The following MED13L variants were observed in gnomAD, a reference collection of about 807,000 sequenced individuals.
MED13L encodes the protein mediator of RNA polymerase II transcription subunit 13-like.
A neutral mutation model predicts 220.9 loss-of-function variants in MED13L; 7 were observed. The observed-to-expected ratio is 0.03, with a 90% CI of 0.02 to 0.06. MED13L has a LOEUF of 0.06. Among genes scored for constraint, MED13L ranks in the 10% least tolerant of loss-of-function variants. MED13L has a pLI of 1.00. For synonymous variants in MED13L, 1,011 were observed against 1,015.2 expected, an observed-to-expected ratio of 1.00 and a Z score of 0.08; for missense variants, 1,965 against 2,760.5, an observed-to-expected ratio of 0.71 and a Z score of 6.46.
chr12:116,208,425 T>C (rs571663140), intron 2 of MED13L, among the ~76,000 whole-genome samples: 6 of 152,228 alleles, frequency 3.9e-5, no homozygotes, highest in Middle Eastern at 3.4e-3. Context: ...CTGCAATAAA[T>C]TGAAACACAG....
chr12:116,006,056 G>A, intron 12 of MED13L, 63 bp from the exon 13 acceptor site: 1 of 1,597,968 alleles, frequency 6.3e-7, no homozygotes, highest in Non-Finnish European at 8.6e-7. Context: ...GGAGTAGGGA[G>A]AGGACACGGA....
intron 14 of MED13L, among the ~76,000 whole-genome samples, chr12:115,999,891 AAG>A (rs1878636316): frequency 6.6e-6 from 1 of 152,212 alleles, no homozygotes; most frequent in Non-Finnish European, 1.5e-5. Context: ...TTCTACCTCC[AAG>A]AGAGTCACTT....
At chr12:116,276,379 A>T in intron 1 of MED13L, 2 of 1,210,206 alleles carry the variant, frequency 1.7e-6, no homozygotes, top group Non-Finnish European at 1.1e-6. Context: ...ATAGAGAAAA[A>T]CAGTTTTTAA....
At chr12:116,219,204 C>T (rs1883173643) in intron 2 of MED13L, among the ~76,000 whole-genome samples, 1 of 152,022 alleles carries the variant, frequency 6.6e-6, no homozygotes, top group African/African-American at 2.4e-5. Flanking sequence ...TTATTCTTAA[C>T]TTATATAGTG....
At position 115,972,089 on chromosome 12, in the gene MED13L, A is replaced by G. The variant is rs1191480416; in HGVS notation, c.5879T>C (p.Val1960Ala). Reference protein sequence around the residue: ...LVAMEPQGSFVVMPDAVTMGS... With the variant: ...LVAMEPQGSFAVMPDAVTMGS... ...AAGAAGAAATTTACCTGGCATCACT[A>G]CAAAGGACCCCTGGGGCTCCATGGC... The change falls in exon 26 of 31, where the codon GTA (valine) becomes GCA (alanine). Residue 1960 changes from valine to alanine, a missense_variant. Transcript: ENST00000281928. The G allele has an allele frequency of 5.6e-6, 9 of 1,613,838 alleles. No individual in the cohort carries two copies. The highest frequency in any genetic ancestry group is 1.3e-5 in the African/African-American group (1 of 74,928).
chr12:116,148,051 C>CAAAAAAAAA lies in MED13L; in HGVS notation c.311-36548_311-36540dup, dbSNP rs10678970. 9.4e-3 allele frequency among the ~76,000 whole-genome samples: 170 copies of CAAAAAAAAA among 18,106 alleles called. 8 individuals are homozygous for CAAAAAAAAA. Among genetic ancestry groups the CAAAAAAAAA allele is most frequent in the Admixed American group, 0.023 (26 of 1,110 alleles). The allele number at this position is 18,106 out of a possible 152,430, so 11.9% of individuals were successfully genotyped here. ...TGGGCTACAGAGCAAGACCCCATCT[C>CAAAAAAAAA]AAAAAAAAAAAAAAAAAAAAAAAGA... On this transcript the variant is annotated intron_variant, in intron 2 of 30. Transcript: ENST00000281928.
At chr12:116,098,351 A>G in intron 3 of MED13L, among the ~76,000 whole-genome samples, 1 of 152,238 alleles carries the variant, frequency 6.6e-6, no homozygotes, top group East Asian at 1.9e-4. Flanking sequence ...GTTATCTCTA[A>G]CAGTATTCAG....
Position 116,234,524 on chromosome 12 carries a change from C to T in MED13L, c.310+2944G>A, listed in dbSNP as rs563430028. Among the ~76,000 whole-genome samples, 18 of 151,422 alleles carry T rather than the reference C, an allele frequency of 1.2e-4. No homozygotes were observed. In the South Asian group the frequency reaches 2.3e-3, roughly 19 times the overall value. On this transcript the variant is annotated intron_variant, in intron 2 of 30. Coordinates refer to ENST00000281928, the MANE Select transcript of MED13L (RefSeq NM_015335.5). ...GGATTACAGGCGTGAGCCACCGTGACCAGCCAGGAAATGCCAAATAACATA... is the reference window on the plus strand; with the variant it reads ...GGATTACAGGCGTGAGCCACCGTGATCAGCCAGGAAATGCCAAATAACATA...
intron 4 of MED13L, among the ~76,000 whole-genome samples, chr12:116,034,842 C>A (rs569755515): frequency 6.2e-4 from 94 of 152,188 alleles, no homozygotes; most frequent in Non-Finnish European, 1.1e-3. Context: ...CCTGTCTCTA[C>A]TAAAAATACA....
At chr12:115,997,534 G>C (rs960971172) in intron 14 of MED13L, among the ~76,000 whole-genome samples, 14 of 152,286 alleles carry the variant, frequency 9.2e-5, no homozygotes, top group African/African-American at 3.1e-4. Flanking sequence ...CAATTCTTGT[G>C]CCTCAGCCTC....
At position 115,961,218 on chromosome 12, in the gene MED13L, G is replaced by A. The variant is rs1875734792; in HGVS notation, c.*48C>T. ...GAGTGTAGCAGGTTCCTTGGACTGA[G>A]GTTGCAGGGAGAAGGAACTGAGCCA... is the stretch of plus-strand genomic sequence containing the variant. On this transcript the variant is annotated 3_prime_UTR_variant, in exon 31 of 31. Coordinates refer to ENST00000281928, the MANE Select transcript of MED13L (RefSeq NM_015335.5). The A allele has an allele frequency of 6.2e-7, 1 of 1,610,346 alleles. No homozygotes were observed. The highest frequency in any genetic ancestry group is 8.5e-7 in the Non-Finnish European group (1 of 1,176,688).
At chr12:116,031,511 G>T (rs1880733010) in intron 4 of MED13L, among the ~76,000 whole-genome samples, 2 of 149,476 alleles carry the variant, frequency 1.3e-5, no homozygotes, top group South Asian at 4.2e-4. Context: ...AGAATGGTGT[G>T]AACACAGGAG....
At chr12:116,253,260 G>A (rs1366483305) in intron 1 of MED13L, among the ~76,000 whole-genome samples, 2 of 106,922 alleles carry the variant, frequency 1.9e-5, no homozygotes, top group African/African-American at 4.0e-5. Context: ...CAATAACAGC[G>A]AAACTCCATC....
intron 2 of MED13L, among the ~76,000 whole-genome samples, chr12:116,150,840 TTAGG>T (rs1331726381): frequency 2.0e-5 from 3 of 152,210 alleles, no homozygotes; most frequent in African/African-American, 7.2e-5. Context: ...GTGTGTGGCC[TTAGG>T]TAGGTCGTTT....
chr12:116,251,973 T>A (rs2138521958), intron 1 of MED13L, among the ~76,000 whole-genome samples: 1 of 151,820 alleles, frequency 6.6e-6, no homozygotes, highest in South Asian at 2.1e-4. Flanking sequence ...GATAAAAATG[T>A]CAATTCTTCA....
At chr12:116,218,023 G>A (rs767000753) in intron 2 of MED13L, among the ~76,000 whole-genome samples, 2 of 152,094 alleles carry the variant, frequency 1.3e-5, no homozygotes, top group Non-Finnish European at 1.5e-5. Context: ...ACACAAGCTC[G>A]TTGAATTGAA....
intron 4 of MED13L, among the ~76,000 whole-genome samples, chr12:116,054,093 C>T (rs1005837644): frequency 3.9e-5 from 6 of 152,074 alleles, no homozygotes; most frequent in Non-Finnish European, 8.8e-5. Flanking sequence ...CCAGCAAGTT[C>T]CCCATGCTCA....
At chr12:116,113,805 G>A (rs1874293873) in intron 2 of MED13L, among the ~76,000 whole-genome samples, 1 of 71,220 alleles carries the variant, frequency 1.4e-5, no homozygotes, top group Non-Finnish European at 2.8e-5. Context: ...AGGGAGAGGG[G>A]AGGGAGGGGG....
At chr12:116,274,957 T>C (rs1401287164) in intron 1 of MED13L, among the ~76,000 whole-genome samples, 1 of 151,386 alleles carries the variant, frequency 6.6e-6, no homozygotes, top group Non-Finnish European at 1.5e-5. Flanking sequence ...TCAAGCATTT[T>C]ATCTCTGTAA....
Sources: allele counts gnomAD v4.1 joint callset (sites outside exome capture counted in the v4.1 genomes callset), GRCh38; gene constraint gnomAD v4.1.1; transcripts MANE v1.5; gene names NCBI Gene and HGNC (gene_info 2026-07-23, HGNC 2026-07-21).